Variants in COL24A1 observed in about 807,000 individuals in gnomAD.
COL24A1 encodes the protein collagen alpha-1(XXIV) chain.
A neutral mutation model predicts 253.9 loss-of-function variants in COL24A1; 224 were observed. That is an observed-to-expected ratio of 0.88 (90% CI 0.79 to 0.99). The LOEUF is 0.99. Among genes scored for constraint, COL24A1 ranks in the 50% least tolerant of loss-of-function variants. The pLI, the probability that COL24A1 is intolerant of heterozygous loss-of-function variation, is 0.00. For missense variants in COL24A1, 2,131 were observed against 2,068.5 expected, an observed-to-expected ratio of 1.03 and a Z score of -0.59; for synonymous variants, 685 against 673.7, an observed-to-expected ratio of 1.02 and a Z score of -0.26.
chr1:86,072,607 A>G (rs1323796200), intron 7 of COL24A1, among the ~76,000 whole-genome samples: 2 of 152,092 alleles, frequency 1.3e-5, no homozygotes, highest in Non-Finnish European at 2.9e-5. Flanking sequence ...AGAGCAACGG[A>G]TCTCCCAGCA....
chr1:85,833,867 C>CA (rs1291258500), intron 43 of COL24A1, among the ~76,000 whole-genome samples: 7 of 148,020 alleles, frequency 4.7e-5, no homozygotes, highest in East Asian at 2.0e-4. Context: ...ATGGCAAGGA[C>CA]AAAAAACCAA....
At chr1:86,146,220 A>G in intron 1 of COL24A1, 37 bp from the exon 2 acceptor site, 3 of 1,540,784 alleles carry the variant, frequency 1.9e-6, no homozygotes, top group Non-Finnish European at 2.7e-6. Flanking sequence ...AAAACTTACT[A>G]GTTGGACATT....
chr1:85,745,471 C>T lies in COL24A1; in HGVS notation c.4473G>A (p.Leu1491=), dbSNP rs1209355603. ...TCTGTAGGGCAGTATTTGATTCAAT[C>T]AAGGCTTGAATAGCAGCATTGATAT... ...QMDINAAIQA[L]IESNTALQME... The change falls in exon 56 of 60, where the codon TTG becomes TTA. Residue 1491 remains leucine (L), a synonymous_variant. Transcript: ENST00000370571. 12 of 1,610,100 alleles carry T rather than the reference C, an allele frequency of 7.5e-6. No homozygotes were observed. Among genetic ancestry groups the T allele is most frequent in the Non-Finnish European group, 1.0e-5 (12 of 1,178,504 alleles).
In COL24A1 at chr1:86,125,527, G is replaced by C. The variant is rs759740427; in HGVS notation, c.809C>G (p.Pro270Arg). The C allele has an allele frequency of 1.9e-6, 3 of 1,613,520 alleles. No individual in the cohort carries two copies. Among genetic ancestry groups the C allele is most frequent in the South Asian group, 1.1e-5 (1 of 91,068 alleles). ...IPTKIPEHSP[P>R]PKLFAEKVLS... The stretch of plus-strand genomic sequence containing the variant: ...TACTTTTTCAGCAAATAGTTTGGGC[G>C]GGGGAGAGTGTTCCGGTATCTTTGT... Residue 270 changes from proline (P) to arginine (R), a missense_variant, in exon 3 of 60, where the codon CCG (proline) becomes CGG (arginine). Physicochemically the swap from Pro to Arg is moderately radical, Grantham distance 103. Transcript: ENST00000370571.
chr1:86,130,752 T>C (rs1457914881), intron 2 of COL24A1, among the ~76,000 whole-genome samples: 1 of 151,974 alleles, frequency 6.6e-6, no homozygotes, highest in African/African-American at 2.4e-5. Flanking sequence ...ATCAGCAAAG[T>C]TAATCTACTC....
At chr1:86,020,147 A>C (rs1470126930) in intron 18 of COL24A1, among the ~76,000 whole-genome samples, 1 of 133,910 alleles carries the variant, frequency 7.5e-6, no homozygotes, top group African/African-American at 2.9e-5. Context: ...GACTTACTGC[A>C]ACCTCTGCCT....
intron 2 of COL24A1, among the ~76,000 whole-genome samples, chr1:86,135,002 C>G (rs1649983478): frequency 6.6e-6 from 1 of 151,374 alleles, no homozygotes; most frequent in South Asian, 2.1e-4. Flanking sequence ...TTGTAGGTCT[C>G]CAAGGACTTG....
At position 85,970,228 on chromosome 1, in the gene COL24A1, C is replaced by T. The variant is rs1167093056; in HGVS notation, c.2462G>A (p.Arg821Lys). ...PIGAFGELGP[R>K]GKPGQKGYAG... ...GAAAATTATTTATATGATACCTACT[C>T]TTGGCCCCAGTTCCCCAAAGGCTCC... Residue 821 changes from arginine to lysine, a missense_variant and splice_region_variant, in exon 22 of 60, where the codon AGA becomes AAA. Physicochemically the swap from Arg to Lys is conservative, Grantham distance 26 (BLOSUM62 2). Transcript: ENST00000370571. 1 of 1,592,264 alleles carries T rather than the reference C, an allele frequency of 6.3e-7. No homozygotes were observed. Among genetic ancestry groups the T allele is most frequent in the African/African-American group, 1.4e-5 (1 of 73,820 alleles).
intron 10 of COL24A1, among the ~76,000 whole-genome samples, chr1:86,056,404 G>A (rs555035094): frequency 2.6e-5 from 4 of 152,090 alleles, no homozygotes; most frequent in Non-Finnish European, 5.9e-5. Context: ...TCAGTAAAAT[G>A]GGGATGACAG....
intron 47 of COL24A1, among the ~76,000 whole-genome samples, chr1:85,786,911 C>G (rs577669225): frequency 8.7e-4 from 133 of 152,252 alleles, no homozygotes; most frequent in African/African-American, 3.0e-3. Flanking sequence ...TAAAGTTAAG[C>G]AAGCAAACAG....
At chr1:85,780,833 G>A (rs1044713321) in intron 52 of COL24A1, among the ~76,000 whole-genome samples, 4 of 152,094 alleles carry the variant, frequency 2.6e-5, no homozygotes, top group African/African-American at 7.2e-5. Flanking sequence ...TCTCTCGAAC[G>A]ATTCTTTCCT....
intron 43 of COL24A1, among the ~76,000 whole-genome samples, chr1:85,826,092 G>C (rs369188873): frequency 1.4e-5 from 2 of 138,804 alleles, no homozygotes; most frequent in African/African-American, 5.2e-5. Flanking sequence ...ATCTTGAATT[G>C]ATTTTTGTAT....
intron 19 of COL24A1, 36 bp downstream of exon 19, chr1:86,017,115 T>C (rs1697063811): frequency 1.9e-6 from 3 of 1,560,718 alleles, no homozygotes; most frequent in Middle Eastern, 3.4e-4. Context: ...TCCACCATTT[T>C]GTTTCAAATT....
intron 24 of COL24A1, among the ~76,000 whole-genome samples, chr1:85,943,656 C>T (rs1688963542): frequency 6.6e-6 from 1 of 152,288 alleles, no homozygotes; most frequent in South Asian, 2.1e-4. Context: ...AATAATGAGG[C>T]TTTCGAATAG....
Position 85,805,212 on chromosome 1 carries a change from C to A in COL24A1, c.3951+11576G>T, listed in dbSNP as rs551998900. 3.3e-5 allele frequency among the ~76,000 whole-genome samples: 5 copies of A among 152,088 alleles called. No homozygotes were observed. In the South Asian group the frequency reaches 6.2e-4, roughly 19 times the overall value. ...ATCTGGAGCAGTAGAAGAATTTCTA[C>A]GATTGCTGCTATTGTTTAAAATAAT... On this transcript the variant is annotated intron_variant, in intron 47 of 59. Coordinates refer to ENST00000370571, the MANE Select transcript of COL24A1 (RefSeq NM_152890.7).
intron 10 of COL24A1, among the ~76,000 whole-genome samples, chr1:86,051,267 T>C (rs917752878): frequency 6.6e-6 from 1 of 152,232 alleles, no homozygotes; most frequent in South Asian, 2.1e-4. Flanking sequence ...AAAAAGTACA[T>C]AGTTTATTGG....
At chr1:85,909,855 T>A (rs1685193530) in intron 26 of COL24A1, 95 bp downstream of exon 26, 1 of 962,930 alleles carries the variant, frequency 1.0e-6, no homozygotes. Context: ...CATTTTTTAC[T>A]CAGTTAAATT....
intron 28 of COL24A1, among the ~76,000 whole-genome samples, chr1:85,901,305 C>T (rs556723645): frequency 1.1e-3 from 164 of 152,164 alleles, no homozygotes; most frequent in Non-Finnish European, 1.9e-3. Context: ...AAAAAATGCT[C>T]AACATCACTA....
chr1:86,135,372 A>G (rs1172191458), intron 2 of COL24A1, among the ~76,000 whole-genome samples: 3 of 151,978 alleles, frequency 2.0e-5, no homozygotes, highest in African/African-American at 2.4e-5. Flanking sequence ...ATTGTTATGT[A>G]TGAATTTGAT....
Sources: allele counts gnomAD v4.1 joint callset (sites outside exome capture counted in the v4.1 genomes callset), GRCh38; gene constraint gnomAD v4.1.1; transcripts MANE v1.5; gene names NCBI Gene and HGNC (gene_info 2026-07-23, HGNC 2026-07-21).